Variants in GOLIM4 observed in about 807,000 individuals in gnomAD.
GOLIM4 encodes golgi integral membrane protein 4, also known as 130 kDa golgi-localized phosphoprotein.
In GOLIM4, 71 loss-of-function variants were observed where a neutral mutation model predicts 107.4. That is an observed-to-expected ratio of 0.66 (90% CI 0.55 to 0.81). GOLIM4 has a LOEUF of 0.81. Among genes scored for constraint, GOLIM4 ranks in the 30% least tolerant of loss-of-function variants. GOLIM4 has a pLI of 0.00. For synonymous variants in GOLIM4, 327 were observed against 294.8 expected (o/e 1.11, Z -1.12); for missense variants, 830 against 826.1 (o/e 1.00, Z -0.06).
rs534842277 is a variant in GOLIM4 at position 168,095,214 on chromosome 3, G to A, written c.72C>T (p.Phe24=). 12 of 1,613,660 alleles carry A rather than the reference G, an allele frequency of 7.4e-6. No homozygotes were observed. The South Asian group carries it at 8.8e-5, about 12-fold the overall frequency. ...AGAGCATCGCGCCGTAGAGAAAGCC[G>A]AACACGACGGTCAGCAGCAGCAGCG... is the stretch of plus-strand genomic sequence containing the variant. ...FQTLLLLTVV[F]GFLYGAMLYY... The change falls in exon 1 of 16, where the codon TTC becomes TTT. Residue 24 remains phenylalanine (F), a synonymous_variant. Transcript: ENST00000470487.
At chr3:168,018,746 T>C (rs933187161) in intron 14 of GOLIM4, among the ~76,000 whole-genome samples, 1 of 152,178 alleles carries the variant, frequency 6.6e-6, no homozygotes, top group Non-Finnish European at 1.5e-5. Context: ...CCTGTCAATT[T>C]TGATTAACAA....
At chr3:168,064,858 T>C (rs1294978195) in intron 1 of GOLIM4, among the ~76,000 whole-genome samples, 1 of 152,068 alleles carries the variant, frequency 6.6e-6, no homozygotes, top group Non-Finnish European at 1.5e-5. Flanking sequence ...ATAAGTATTC[T>C]AATTAGACGT....
At chr3:168,073,688 T>C (rs912806599) in intron 1 of GOLIM4, among the ~76,000 whole-genome samples, 3 of 152,224 alleles carry the variant, frequency 2.0e-5, no homozygotes, top group African/African-American at 7.2e-5. Flanking sequence ...TAGACAGTAC[T>C]TGGGTGGATG....
chr3:168,033,424 T>C (rs566352301), intron 8 of GOLIM4, among the ~76,000 whole-genome samples: 1 of 140,368 alleles, frequency 7.1e-6, no homozygotes, highest in East Asian at 2.0e-4. Flanking sequence ...GCTAACACAG[T>C]GAAACCCCGT....
chr3:168,062,675 C>A (rs1320279200), intron 1 of GOLIM4, among the ~76,000 whole-genome samples: 5 of 152,204 alleles, frequency 3.3e-5, no homozygotes, highest in Non-Finnish European at 5.9e-5. Flanking sequence ...CACCTCAAGA[C>A]TCCCTCTTCT....
Position 168,044,879 on chromosome 3 carries a change from T to C in GOLIM4, c.315A>G (p.Gln105=), listed in dbSNP as rs544327025. The C allele has an allele frequency of 3.9e-6, 6 of 1,536,622 alleles. No homozygotes were observed. Among genetic ancestry groups the C allele is most frequent in the South Asian group, 2.4e-5 (2 of 82,794 alleles). The stretch of plus-strand genomic sequence containing the variant: ...GTGCACTGTATCTGCTATTGGAATC[T>C]TGCTGTAAATCAAAAAAAAAAAAGA... The part of the protein sequence containing the change: ...EAQETLNKGR[Q]DSNSRYSALN... Residue 105 remains glutamine (Q), a splice_region_variant and synonymous_variant, in exon 4 of 16, where the codon CAA becomes CAG. Coordinates refer to ENST00000470487, the MANE Select transcript of GOLIM4 (RefSeq NM_014498.5).
intron 7 of GOLIM4, among the ~76,000 whole-genome samples, 179 bp from the exon 8 acceptor site, chr3:168,037,173 G>A (rs756070610): frequency 1.4e-5 from 2 of 146,180 alleles, no homozygotes; most frequent in African/African-American, 5.0e-5. Flanking sequence ...ATTTTTGAGC[G>A]CATGCAAATT....
At chr3:168,016,332 C>T (rs1357647167) in intron 14 of GOLIM4, among the ~76,000 whole-genome samples, 1 of 134,020 alleles carries the variant, frequency 7.5e-6, no homozygotes, top group East Asian at 2.0e-4. Context: ...CAAATCAAAA[C>T]CACAATGAGA....
At chr3:168,028,664 A>C (rs1462794157) in intron 11 of GOLIM4, among the ~76,000 whole-genome samples, 1 of 152,242 alleles carries the variant, frequency 6.6e-6, no homozygotes, top group Non-Finnish European at 1.5e-5. Context: ...TCTTGACTGT[A>C]AGAGCTGTAA....
In GOLIM4 at chr3:168,030,355, A is replaced by ATGT. The variant is rs569412485; in HGVS notation, c.1177-320_1177-319insACA. Among the ~76,000 whole-genome samples the ATGT allele has an allele frequency of 5.0e-3, 757 of 152,316 alleles. 6 individuals carry two copies. Among genetic ancestry groups the ATGT allele is most frequent in the Middle Eastern group, 0.01 (3 of 294 alleles). On this transcript the variant is annotated intron_variant, in intron 9 of 15. Transcript: ENST00000470487. ...TAAAATTTATGTTCACAAGGCTCTGATATAAACAAGTAGTTGGTAACTTTG... is the reference window on the plus strand; with the variant it reads ...TAAAATTTATGTTCACAAGGCTCTGATGTTATAAACAAGTAGTTGGTAACTTTG...
chr3:168,064,063 G>A (rs1455481842), intron 1 of GOLIM4, among the ~76,000 whole-genome samples: 4 of 152,114 alleles, frequency 2.6e-5, no homozygotes, highest in African/African-American at 9.7e-5. Context: ...CACCCAAGAT[G>A]GTAAAGGTGA....
chr3:168,024,383 TAAACCA>T, intron 14 of GOLIM4, 137 bp downstream of exon 14: 2 of 676,928 alleles, frequency 3.0e-6, no homozygotes, highest in Admixed American at 2.4e-5. Flanking sequence ...ATTTTTGCTT[TAAACCA>T]CCCTTTCTTA....
At chr3:168,012,928 C>T (rs1228385410) in intron 14 of GOLIM4, among the ~76,000 whole-genome samples, 1 of 151,390 alleles carries the variant, frequency 6.6e-6, no homozygotes, top group African/African-American at 2.5e-5. Context: ...CCAGCCACTG[C>T]AAAATCATGC....
At chr3:168,014,327 A>T (rs1717237076) in intron 14 of GOLIM4, among the ~76,000 whole-genome samples, 1 of 148,256 alleles carries the variant, frequency 6.7e-6, no homozygotes, top group African/African-American at 2.6e-5. Context: ...ACACTCTCCC[A>T]AGACTAAACC....
chr3:168,065,080 G>A (rs1181386854), intron 1 of GOLIM4, among the ~76,000 whole-genome samples: 2 of 152,080 alleles, frequency 1.3e-5, no homozygotes, highest in African/African-American at 4.8e-5. Flanking sequence ...CTGACCTCCT[G>A]GCTGCCTGAC....
intron 1 of GOLIM4, 26 bp downstream of exon 1, chr3:168,095,073 G>A: frequency 6.4e-7 from 1 of 1,572,290 alleles, no homozygotes; most frequent in Admixed American, 1.7e-5. Context: ...GTTGGCCACC[G>A]GCTGCGCGCG....
At chr3:168,073,389 A>G (rs1239141842) in intron 1 of GOLIM4, among the ~76,000 whole-genome samples, 1 of 152,252 alleles carries the variant, frequency 6.6e-6, no homozygotes, top group African/African-American at 2.4e-5. Context: ...ACAGGAATGC[A>G]TGTGGAAACA....
intron 1 of GOLIM4, among the ~76,000 whole-genome samples, chr3:168,079,740 A>T (rs1721249333): frequency 6.6e-6 from 1 of 152,186 alleles, no homozygotes; most frequent in Admixed American, 6.5e-5. Context: ...AAAATATAAG[A>T]ACTCAATATA....
chr3:168,095,042 CG>C (rs2108301785), intron 1 of GOLIM4, 56 bp downstream of exon 1: 2 of 1,393,690 alleles, frequency 1.4e-6, no homozygotes, highest in African/African-American at 1.4e-5. Context: ...TTTTCCTGCC[CG>C]GGTGGAGGCG....
Sources: allele counts gnomAD v4.1 joint callset (sites outside exome capture counted in the v4.1 genomes callset), GRCh38; gene constraint gnomAD v4.1.1; transcripts MANE v1.5; gene names NCBI Gene and HGNC (gene_info 2026-07-23, HGNC 2026-07-21).